Variants in ZNF577 observed in about 807,000 individuals in gnomAD.
The protein encoded by ZNF577 is zinc finger protein 577.
ZNF577 carries 14 observed loss-of-function variants against 13.9 expected under a neutral mutation model. The observed-to-expected ratio is 1.00, with a 90% CI of 0.66 to 1.57. ZNF577 has a LOEUF of 1.57. ZNF577 is among the 40% of genes most tolerant of loss of function. The pLI, the probability that ZNF577 is intolerant of heterozygous loss-of-function variation, is 0.00. For missense variants in ZNF577, 555 were observed against 579.2 expected (o/e 0.96, Z 0.43); for synonymous variants, 203 against 202.9 (o/e 1.00, Z 0.00).
At chr19:51,849,728 G>C (rs2084370637) in intron 5 of ZNF577, among the ~76,000 whole-genome samples, 1 of 152,092 alleles carries the variant, frequency 6.6e-6, no homozygotes, top group African/African-American at 2.4e-5. Flanking sequence ...GAAAAAGTTT[G>C]GCCACTTTTT....
intron 9 of ZNF577, among the ~76,000 whole-genome samples, chr19:51,821,209 G>A (rs1009179052): frequency 8.5e-5 from 13 of 152,172 alleles, no homozygotes; most frequent in African/African-American, 3.1e-4. Context: ...GGAGAAAACT[G>A]AGGCTCAAAG....
intron 1 of ZNF577, chr19:51,886,437 A>AT (rs1350865103): frequency 6.6e-6 from 1 of 152,154 alleles, no homozygotes; most frequent in African/African-American, 2.4e-5. Flanking sequence ...ATATCTTTTC[A>AT]TTTTTTGATG....
At chr19:51,814,486 T>TTTGG (rs1568430394) in intron 9 of ZNF577, among the ~76,000 whole-genome samples, 1 of 151,280 alleles carries the variant, frequency 6.6e-6, no homozygotes, top group African/African-American at 2.4e-5. Flanking sequence ...GGTTTTTGTT[T>TTTGG]TTTGTTTGTT....
rs756008586 is a variant in ZNF577, at chr19:51,857,421, AG to A, written c.284-12491del. Among the ~76,000 whole-genome samples, 162 of 114,738 alleles carry A rather than the reference AG, an allele frequency of 1.4e-3. 4 individuals are homozygous for A. Among genetic ancestry groups the A allele is most frequent in the African/African-American group, 6.1e-3 (150 of 24,714 alleles). 75.3% of individuals were successfully genotyped at this position (114,738 alleles called of 152,430 possible). On this transcript the variant is annotated intron_variant and NMD_transcript_variant, in intron 5 of 10. Coordinates refer to the ZNF577 transcript ENST00000638827. The stretch of plus-strand genomic sequence containing the variant: ...AAGAAAGAAAGAAAGAAAGAAAGAA[AG>A]AAAGAAAAGAAAAAACAAAGAAAGG...
At chr19:51,822,633 C>G (rs116535898) in intron 9 of ZNF577, among the ~76,000 whole-genome samples, 4 of 152,214 alleles carry the variant, frequency 2.6e-5, no homozygotes, top group Non-Finnish European at 5.9e-5. Context: ...AGCTACTATG[C>G]AGACCAAACT....
In ZNF577 at chr19:51,824,651, C is replaced by G; in HGVS notation, c.*600-12977G>C. The G allele has an allele frequency of 1.2e-6, 2 of 1,614,180 alleles. No homozygotes were observed. Among genetic ancestry groups the G allele is most frequent in the Non-Finnish European group, 1.7e-6 (2 of 1,180,020 alleles). The stretch of plus-strand genomic sequence containing the variant: ...TTAACAGCTGCCTCAACCCAATTCT[C>G]TACGTCTTTATGGGTCGTAACTTCC... On this transcript the variant is annotated intron_variant and NMD_transcript_variant, in intron 9 of 10. Transcript: ENST00000638827. The surrounding 1 kb of genome is among the most constrained non-coding windows in gnomAD (Gnocchi z 4.7).
chr19:51,824,078 T>C lies in ZNF577; in HGVS notation c.*600-12404A>G. 6.2e-7 allele frequency: 1 copy of C among 1,614,152 alleles called. No homozygotes were observed. The highest frequency in any genetic ancestry group is 8.5e-7 in the Non-Finnish European group (1 of 1,180,002). On this transcript the variant is annotated intron_variant and NMD_transcript_variant, in intron 9 of 10. Transcript: ENST00000638827. The surrounding 1 kb of genome is among the most constrained non-coding windows in gnomAD (Gnocchi z 4.7). Reference sequence around the variant, plus strand: ...ATGTTATGATAGACATCAACCTGTTTGTCAGTGTCTACCTGATCACCATCA... The same window carrying C: ...ATGTTATGATAGACATCAACCTGTTCGTCAGTGTCTACCTGATCACCATCA...
chr19:51,873,942 G>A (rs2084711474), intron 5 of ZNF577, among the ~76,000 whole-genome samples: 1 of 152,118 alleles, frequency 6.6e-6, no homozygotes, highest in East Asian at 1.9e-4. Context: ...TGTGGAGGTG[G>A]CAGAAGGTGC....
chr19:51,829,771 C>G (rs2084252075), intron 9 of ZNF577, among the ~76,000 whole-genome samples: 1 of 152,190 alleles, frequency 6.6e-6, no homozygotes, highest in South Asian at 2.1e-4. Flanking sequence ...AATATGGCAA[C>G]TGCACAAGTC....
At position 51,873,317 on chromosome 19, in the gene ZNF577, T is replaced by A; in HGVS notation, c.673A>T (p.Arg225Ter). 1 of 1,614,198 alleles carries A rather than the reference T, an allele frequency of 6.2e-7. No homozygotes were observed. Among genetic ancestry groups the A allele is most frequent in the Admixed American group, 1.7e-5 (1 of 60,026 alleles). Residue 225 changes from arginine to a stop codon, truncating the protein, a stop_gained, in exon 6 of 6, where the codon AGA (arginine) becomes TGA (stop). Coordinates refer to ENST00000638348, the MANE Select transcript of ZNF577 (RefSeq NM_001370449.1). LOFTEE classifies it low-confidence loss of function (END_TRUNC). ...ECSECGKAFS[R>*]KSQLMVHQRT... ...TGATGGACCATGAGCTGTGACTTTC[T>A]GGAGAAGGCTTTTCCACATTCACTA...
Position 51,868,562 on chromosome 19 carries a change from G to A in ZNF577, c.*3970C>T, listed in dbSNP as rs73572188. On this transcript the variant is annotated 3_prime_UTR_variant, in exon 6 of 6. Coordinates refer to ENST00000638348, the MANE Select transcript of ZNF577 (RefSeq NM_001370449.1). ...ACCAAAGACTGCCCCAGCCAAAGCA[G>A]AACTGCCAGATGAGCTCAGAATTAA... 0.013 allele frequency among the ~76,000 whole-genome samples: 1,927 copies of A among 152,242 alleles called. 43 individuals carry two copies. The highest frequency in any genetic ancestry group is 0.043 in the African/African-American group (1,793 of 41,534).
At chr19:51,817,866 T>C (rs2084151999) in intron 9 of ZNF577, 2 of 152,234 alleles carry the variant, frequency 1.3e-5, no homozygotes. Flanking sequence ...CTAAAAATTA[T>C]TGTTGGAATG....
intron 9 of ZNF577, among the ~76,000 whole-genome samples, chr19:51,821,236 G>T (rs1290962683): frequency 6.6e-6 from 1 of 152,218 alleles, no homozygotes; most frequent in Non-Finnish European, 1.5e-5. Flanking sequence ...CACTGACCAA[G>T]AACCCATATT....
chr19:51,867,501 G>A lies in ZNF577; in HGVS notation c.*5031C>T, dbSNP rs536534379. ...TTTAAAAACACAAAGCTGGCCAGGCGCGGTGGCTCACACCTGTAATCCCAG... is the reference window on the plus strand; with the variant it reads ...TTTAAAAACACAAAGCTGGCCAGGCACGGTGGCTCACACCTGTAATCCCAG... On this transcript the variant is annotated 3_prime_UTR_variant, in exon 6 of 6. Coordinates refer to ENST00000638348, the MANE Select transcript of ZNF577 (RefSeq NM_001370449.1). Among the ~76,000 whole-genome samples, 5 of 152,022 alleles carry A rather than the reference G, an allele frequency of 3.3e-5. No homozygotes were observed. The highest frequency in any genetic ancestry group is 2.1e-4 in the South Asian group (1 of 4,800).
intron 9 of ZNF577, among the ~76,000 whole-genome samples, chr19:51,832,524 C>A (rs2191668): frequency 0.13 from 20,223 of 151,818 alleles, 1,626 homozygotes; most frequent in East Asian, 0.26. Context: ...CCTGGCTAAT[C>A]AACCATAAAA....
chr19:51,863,222 C>T (rs76414619), downstream of ZNF577: 5 of 152,258 alleles, frequency 3.3e-5, no homozygotes, highest in Non-Finnish European at 5.9e-5. Flanking sequence ...GTATTCACTG[C>T]ACATTCACTG....
intron 9 of ZNF577, among the ~76,000 whole-genome samples, chr19:51,834,903 T>C (rs1026893734): frequency 3.3e-5 from 5 of 152,040 alleles, no homozygotes; most frequent in African/African-American, 1.2e-4. Flanking sequence ...CAGACTGCTC[T>C]TGAACTCCTG....
chr19:51,885,198 G>C (rs1317848718), intron 1 of ZNF577, among the ~76,000 whole-genome samples: 1 of 152,162 alleles, frequency 6.6e-6, no homozygotes, highest in Non-Finnish European at 1.5e-5. Flanking sequence ...TGTAAATAAT[G>C]TTTTATCAGA....
intron 9 of ZNF577, among the ~76,000 whole-genome samples, chr19:51,835,607 A>C (rs1247086178): frequency 6.6e-6 from 1 of 152,218 alleles, no homozygotes; most frequent in Non-Finnish European, 1.5e-5. Flanking sequence ...TTATGAACTG[A>C]AGTTAAAATT....
Sources: allele counts gnomAD v4.1 joint callset (sites outside exome capture counted in the v4.1 genomes callset), GRCh38; gene constraint gnomAD v4.1.1; non-coding constraint Gnocchi (gnomAD v3.1); transcripts MANE v1.5; gene names NCBI Gene and HGNC (gene_info 2026-07-23, HGNC 2026-07-21).